The following ANKS1B variants were observed in gnomAD, a reference collection of about 807,000 sequenced individuals.
ANKS1B encodes the protein ankyrin repeat and sterile alpha motif domain containing 1B.
ANKS1B carries 36 observed loss-of-function variants against 148.3 expected under a neutral mutation model. The ratio of observed to expected loss-of-function variants is 0.24; its 90% CI spans 0.19 to 0.32. The LOEUF is 0.32. ANKS1B is among the 10% of genes least tolerant of loss of function. ANKS1B has a pLI of 1.00. For missense variants in ANKS1B, 1,157 were observed against 1,542.6 expected, an observed-to-expected ratio of 0.75 and a Z score of 4.19; for synonymous variants, 542 against 560.8, an observed-to-expected ratio of 0.97 and a Z score of 0.47.
At chr12:99,828,736 G>A (rs1192711998) in intron 1 of ANKS1B, among the ~76,000 whole-genome samples, 1 of 152,124 alleles carries the variant, frequency 6.6e-6, no homozygotes, top group Non-Finnish European at 1.5e-5. Context: ...GGCCAGGCAT[G>A]GTGGTTCTCG....
chr12:99,110,397 A>T (rs2060064754), intron 15 of ANKS1B, among the ~76,000 whole-genome samples: 1 of 152,224 alleles, frequency 6.6e-6, no homozygotes. Context: ...ATCTTGCCTG[A>T]TATCAAAGGA....
intron 9 of ANKS1B, among the ~76,000 whole-genome samples, chr12:99,644,247 CAT>C (rs1294628915): frequency 3.9e-5 from 6 of 152,112 alleles, no homozygotes; most frequent in Admixed American, 1.3e-4. Context: ...TTTTCAATAA[CAT>C]GTTTCCTATT....
intron 1 of ANKS1B, among the ~76,000 whole-genome samples, chr12:99,895,028 T>C (rs1011954463): frequency 6.6e-6 from 1 of 150,936 alleles, no homozygotes; most frequent in Non-Finnish European, 1.5e-5. Flanking sequence ...TGTATAATAG[T>C]TAATTTTATA....
chr12:99,282,086 T>G (rs1374677254), intron 12 of ANKS1B, among the ~76,000 whole-genome samples: 1 of 151,948 alleles, frequency 6.6e-6, no homozygotes, highest in Non-Finnish European at 1.5e-5. Flanking sequence ...ATATAGAAGG[T>G]AAGGAAGATG....
At chr12:99,250,046 C>A (rs971499447) in intron 12 of ANKS1B, among the ~76,000 whole-genome samples, 2 of 152,192 alleles carry the variant, frequency 1.3e-5, no homozygotes, top group Non-Finnish European at 2.9e-5. Context: ...AGGGGCCACA[C>A]AGGGAACTAC....
intron 9 of ANKS1B, among the ~76,000 whole-genome samples, chr12:99,546,760 G>T (rs1268796916): frequency 6.6e-6 from 1 of 152,160 alleles, no homozygotes; most frequent in African/African-American, 2.4e-5. Flanking sequence ...AGAACGAATG[G>T]AAGGGAAAAA....
At chr12:99,036,048 A>G (rs530583423) in intron 17 of ANKS1B, among the ~76,000 whole-genome samples, 15 of 152,200 alleles carry the variant, frequency 9.9e-5, no homozygotes, top group Non-Finnish European at 2.2e-4. Context: ...GAGTATTCCA[A>G]TCACACAGGG....
chr12:99,951,297 C>T (rs1017388720), intron 1 of ANKS1B, among the ~76,000 whole-genome samples: 1 of 152,258 alleles, frequency 6.6e-6, no homozygotes, highest in Admixed American at 6.5e-5. Context: ...TAGAGACTTA[C>T]ATCCACCGGT....
At chr12:99,163,910 A>G (rs890554645) in intron 14 of ANKS1B, among the ~76,000 whole-genome samples, 2 of 152,166 alleles carry the variant, frequency 1.3e-5, no homozygotes, top group African/African-American at 4.8e-5. Context: ...AATAGTATAC[A>G]AATGATGCAG....
At chr12:98,873,336 T>C (rs1210401003) in intron 17 of ANKS1B, among the ~76,000 whole-genome samples, 1 of 152,226 alleles carries the variant, frequency 6.6e-6, no homozygotes, top group African/African-American at 2.4e-5. Flanking sequence ...CACCTAAGAC[T>C]TACTCGTTAA....
At chr12:99,967,419 C>T (rs1404934286) in intron 1 of ANKS1B, among the ~76,000 whole-genome samples, 1 of 152,006 alleles carries the variant, frequency 6.6e-6, no homozygotes, top group Non-Finnish European at 1.5e-5. Context: ...TTTTCCATTA[C>T]GGTTTTTTCT....
At chr12:98,962,528 G>T (rs1813498965) in intron 17 of ANKS1B, among the ~76,000 whole-genome samples, 1 of 151,938 alleles carries the variant, frequency 6.6e-6, no homozygotes. Flanking sequence ...TTTCAGCATT[G>T]AACAAATGAT....
At chr12:99,785,724 C>T (rs953270510) in intron 4 of ANKS1B, among the ~76,000 whole-genome samples, 7 of 152,142 alleles carry the variant, frequency 4.6e-5, no homozygotes, top group Admixed American at 4.6e-4. Flanking sequence ...TGAGCCACTG[C>T]GCCTGGCCAA....
intron 14 of ANKS1B, among the ~76,000 whole-genome samples, chr12:99,211,543 G>A (rs1287330671): frequency 6.6e-6 from 1 of 152,154 alleles, no homozygotes; most frequent in Non-Finnish European, 1.5e-5. Flanking sequence ...ATAAAATGTA[G>A]TATTACCTCA....
At chr12:99,340,892 A>G (rs1352975108) in intron 12 of ANKS1B, among the ~76,000 whole-genome samples, 1 of 152,158 alleles carries the variant, frequency 6.6e-6, no homozygotes, top group African/African-American at 2.4e-5. Flanking sequence ...TAAAGGAAAG[A>G]AATTGTTTGC....
chr12:99,000,944 G>C (rs1348806195), intron 17 of ANKS1B, among the ~76,000 whole-genome samples: 1 of 151,972 alleles, frequency 6.6e-6, no homozygotes, highest in Non-Finnish European at 1.5e-5. Context: ...TCTTTTTAAA[G>C]GCTGAGGCTG....
At chr12:98,781,995 T>G in intron 23 of ANKS1B, 131 bp downstream of exon 23, 1 of 773,924 alleles carries the variant, frequency 1.3e-6, no homozygotes, top group Non-Finnish European at 2.1e-6. Flanking sequence ...CTGCAAAAAG[T>G]TTCTCTATAA....
chr12:99,078,491 A>C (rs971600281), intron 16 of ANKS1B, among the ~76,000 whole-genome samples: 3 of 152,160 alleles, frequency 2.0e-5, no homozygotes, highest in Non-Finnish European at 4.4e-5. Context: ...ATCTTATATC[A>C]TGCTACATTA....
At chr12:98,892,706 C>T (rs964187581) in intron 17 of ANKS1B, among the ~76,000 whole-genome samples, 1 of 152,096 alleles carries the variant, frequency 6.6e-6, no homozygotes, top group African/African-American at 2.4e-5. Flanking sequence ...ACTAGTTATC[C>T]CAAAATATCA....
Sources: gnomAD v4.1 joint callset for allele counts (sites outside exome capture counted in the v4.1 genomes callset) on GRCh38, gnomAD v4.1.1 for gene constraint, MANE v1.5 for transcripts, NCBI Gene and HGNC (gene_info 2026-07-23, HGNC 2026-07-21) for gene names.